Variants in PRKG1 observed in about 807,000 individuals in gnomAD.
PRKG1 encodes the protein protein kinase cGMP-dependent 1.
PRKG1 carries 35 observed loss-of-function variants against 88.1 expected under a neutral mutation model. The observed-to-expected ratio is 0.40, with a 90% CI of 0.30 to 0.53. The LOEUF (loss-of-function observed/expected upper bound fraction) is 0.53, where lower values mean the gene tolerates loss of function less well. Among genes scored for constraint, PRKG1 ranks in the 20% least tolerant of loss-of-function variants. PRKG1 has a pLI of 0.59. For missense variants in PRKG1, 540 were observed against 839.8 expected (o/e 0.64, Z 4.41); for synonymous variants, 303 against 292.5 (o/e 1.04, Z -0.37).
intron 2 of PRKG1, among the ~76,000 whole-genome samples, chr10:51,382,821 G>A (rs1041107609): frequency 2.0e-5 from 3 of 152,096 alleles, no homozygotes; most frequent in Non-Finnish European, 2.9e-5. Flanking sequence ...TTGCTTTTCC[G>A]TTTAACCAAA....
chr10:52,207,925 A>C (rs1376855724), intron 9 of PRKG1, among the ~76,000 whole-genome samples: 1 of 151,762 alleles, frequency 6.6e-6, no homozygotes, highest in Non-Finnish European at 1.5e-5. Context: ...CAAGTCTCTC[A>C]GTGGGAGATA....
chr10:52,094,625 A>G (rs1847132346), intron 7 of PRKG1, among the ~76,000 whole-genome samples: 1 of 152,186 alleles, frequency 6.6e-6, no homozygotes, highest in South Asian at 2.1e-4. Flanking sequence ...TCTTGATTCT[A>G]GAGTTTCAAA....
intron 9 of PRKG1, among the ~76,000 whole-genome samples, chr10:52,244,025 C>T (rs911209408): frequency 7.2e-5 from 11 of 152,006 alleles, no homozygotes; most frequent in Non-Finnish European, 1.5e-4. Context: ...TTATATTTTC[C>T]AGAGTAAATT....
chr10:51,763,571 C>T (rs900406530), intron 3 of PRKG1, among the ~76,000 whole-genome samples: 2 of 137,982 alleles, frequency 1.4e-5, no homozygotes, highest in Non-Finnish European at 3.1e-5. Flanking sequence ...TATTTTAAAA[C>T]GATGTAAAAT....
At chr10:51,490,685 C>G (rs182207971) in intron 3 of PRKG1, among the ~76,000 whole-genome samples, 12 of 152,114 alleles carry the variant, frequency 7.9e-5, no homozygotes, top group Admixed American at 2.0e-4. Context: ...TTTCATAGAT[C>G]GTTCTGAAAA....
intron 2 of PRKG1, among the ~76,000 whole-genome samples, chr10:51,164,916 G>C (rs952135015): frequency 6.6e-6 from 1 of 152,180 alleles, no homozygotes; most frequent in African/African-American, 2.4e-5. Context: ...CCAAATCTAC[G>C]TCTGATTGGT....
At chr10:51,019,822 T>G (rs1223333512) in intron 1 of PRKG1, among the ~76,000 whole-genome samples, 1 of 151,770 alleles carries the variant, frequency 6.6e-6, no homozygotes, top group Non-Finnish European at 1.5e-5. Flanking sequence ...AAAACTCAAT[T>G]TAAAAATGGG....
chr10:51,358,761 G>A (rs1842418227), intron 2 of PRKG1, among the ~76,000 whole-genome samples: 1 of 151,818 alleles, frequency 6.6e-6, no homozygotes, highest in South Asian at 2.1e-4. Flanking sequence ...TAGCTAATTT[G>A]GAATACTGTC....
intron 2 of PRKG1, among the ~76,000 whole-genome samples, chr10:51,393,123 GGT>G (rs1837478106): frequency 2.4e-4 from 28 of 116,506 alleles, no homozygotes; most frequent in African/African-American, 3.8e-4. Flanking sequence ...CCGGGCGGAG[GGT>G]CTCCTCACTT....
At chr10:52,117,146 G>A (rs936245856) in intron 7 of PRKG1, among the ~76,000 whole-genome samples, 1 of 134,582 alleles carries the variant, frequency 7.4e-6, no homozygotes, top group African/African-American at 2.8e-5. Flanking sequence ...TGCATGCATG[G>A]ATATCTATGT....
At chr10:51,038,797 G>T (rs879479612) in intron 1 of PRKG1, among the ~76,000 whole-genome samples, 2 of 152,142 alleles carry the variant, frequency 1.3e-5, no homozygotes, top group African/African-American at 4.8e-5. Flanking sequence ...GCAAGTAAAT[G>T]CTTGAGGTAA....
chr10:51,423,579 TTA>T (rs1838481492), intron 2 of PRKG1, among the ~76,000 whole-genome samples: 1 of 152,216 alleles, frequency 6.6e-6, no homozygotes, highest in South Asian at 2.1e-4. Flanking sequence ...GGGATTGAAT[TTA>T]TTTTTCAATT....
In PRKG1 at chr10:51,036,686, A is replaced by G. The variant is rs1381479019; in HGVS notation, c.266+45042A>G. 2.6e-5 allele frequency among the ~76,000 whole-genome samples: 4 copies of G among 152,172 alleles called. No individual in the cohort carries two copies. The South Asian group carries it at 6.2e-4, about 24-fold the overall frequency. On this transcript the variant is annotated intron_variant, in intron 1 of 17. Transcript: ENST00000401604. ...TCATTTACCTCTTAGGGGATTAAGT[A>G]AATGGGGGCGTGTTTGCTCCTATTT...
At chr10:51,935,371 T>C (rs1842779825) in intron 5 of PRKG1, among the ~76,000 whole-genome samples, 1 of 152,136 alleles carries the variant, frequency 6.6e-6, no homozygotes, top group Non-Finnish European at 1.5e-5. Flanking sequence ...AAGTGCTCCT[T>C]ATGATTTAAA....
chr10:51,833,810 GA>G (rs1840062031), intron 4 of PRKG1, among the ~76,000 whole-genome samples: 1 of 152,082 alleles, frequency 6.6e-6, no homozygotes, highest in African/African-American at 2.4e-5. Flanking sequence ...CTATCTAACT[GA>G]AACTTTTACT....
chr10:52,081,737 G>A (rs1361110997), intron 7 of PRKG1: 1 of 452,396 alleles, frequency 2.2e-6, no homozygotes, highest in East Asian at 7.0e-5. Flanking sequence ...TGAACAAGGT[G>A]GTAGGTTGGA....
chr10:51,169,703 T>C (rs1172654867), intron 2 of PRKG1, among the ~76,000 whole-genome samples: 2 of 136,702 alleles, frequency 1.5e-5, no homozygotes, highest in Non-Finnish European at 3.1e-5. Context: ...GAGCTAGGTT[T>C]TGGAACTTGG....
intron 5 of PRKG1, among the ~76,000 whole-genome samples, chr10:51,939,592 A>T (rs578074243): frequency 1.4e-5 from 2 of 148,116 alleles, no homozygotes; most frequent in South Asian, 2.1e-4. Context: ...TATAAACTTA[A>T]TTTTTTTTTT....
At chr10:52,049,972 A>G (rs1399750389) in intron 5 of PRKG1, among the ~76,000 whole-genome samples, 2 of 152,166 alleles carry the variant, frequency 1.3e-5, no homozygotes, top group African/African-American at 2.4e-5. Context: ...GGGCAATGAA[A>G]TAGACCTGTG....
Sources: allele counts gnomAD v4.1 joint callset (sites outside exome capture counted in the v4.1 genomes callset), GRCh38; gene constraint gnomAD v4.1.1; transcripts MANE v1.5; gene names NCBI Gene and HGNC (gene_info 2026-07-23, HGNC 2026-07-21).